The following LRP11 variants were observed in gnomAD, a reference collection of about 807,000 sequenced individuals.
LRP11 encodes the protein LDL receptor related protein 11.
LRP11 carries 25 observed loss-of-function variants against 43.1 expected under a neutral mutation model. That is an observed-to-expected ratio of 0.58 (90% CI 0.42 to 0.81). LRP11 has a LOEUF of 0.81. Ranked by LOEUF, LRP11 falls within the 30% of genes least tolerant of loss-of-function variation. The pLI is 0.00. For synonymous variants in LRP11, 316 were observed against 299.4 expected, an observed-to-expected ratio of 1.06 and a Z score of -0.57; for missense variants, 623 against 665.1, an observed-to-expected ratio of 0.94 and a Z score of 0.70.
intron 2 of LRP11, among the ~76,000 whole-genome samples, chr6:149,850,661 AT>A (rs1297521477): frequency 6.6e-6 from 1 of 152,204 alleles, no homozygotes; most frequent in Admixed American, 6.5e-5. Flanking sequence ...ATGTACTAAA[AT>A]GTCATGTTTG....
At chr6:149,837,726 C>G (rs1776491798) in intron 3 of LRP11, among the ~76,000 whole-genome samples, 1 of 152,120 alleles carries the variant, frequency 6.6e-6, no homozygotes, top group East Asian at 1.9e-4. Context: ...AGGTGGCACA[C>G]AGAAGCAACA....
chr6:149,863,367 G>A (rs374706154), intron 1 of LRP11, 41 bp downstream of exon 1: 3 of 1,310,240 alleles, frequency 2.3e-6, no homozygotes, highest in Non-Finnish European at 2.9e-6. Flanking sequence ...TGCGGGTCTC[G>A]AGCGCTCTGG....
chr6:149,838,079 G>A (rs949111436), intron 3 of LRP11, among the ~76,000 whole-genome samples: 3 of 151,728 alleles, frequency 2.0e-5, no homozygotes, highest in Non-Finnish European at 2.9e-5. Flanking sequence ...CACCACACCC[G>A]GTTAATTTTT....
intron 6 of LRP11, 131 bp downstream of exon 6, chr6:149,826,133 C>T (rs1776335778): frequency 1.3e-6 from 1 of 768,606 alleles, no homozygotes. Context: ...AACGAGGAGA[C>T]AGTTCTTTCG....
chr6:149,826,150 T>G, intron 6 of LRP11, 114 bp downstream of exon 6: 1 of 822,076 alleles, frequency 1.2e-6, no homozygotes, highest in Non-Finnish European at 2.2e-6. Context: ...TTCGGTCCAC[T>G]GACGGACTCC....
At chr6:149,848,622 T>C (rs1436871994) in intron 2 of LRP11, among the ~76,000 whole-genome samples, 4 of 152,218 alleles carry the variant, frequency 2.6e-5, no homozygotes, top group African/African-American at 9.6e-5. Context: ...AGCAAACTAA[T>C]GCAAGAACAG....
intron 6 of LRP11, among the ~76,000 whole-genome samples, chr6:149,822,687 G>GA (rs995465139): frequency 9.2e-5 from 14 of 152,116 alleles, no homozygotes; most frequent in African/African-American, 3.1e-4. Context: ...ATTTAAATGG[G>GA]AAAAAATGCA....
At chr6:149,851,141 CCTG>C (rs1776712702) in intron 2 of LRP11, among the ~76,000 whole-genome samples, 3 of 152,204 alleles carry the variant, frequency 2.0e-5, no homozygotes, top group Admixed American at 1.3e-4. Context: ...TTGAGGTCTA[CCTG>C]CCGTCACTGT....
At chr6:149,846,060 G>A (rs1327613283) in intron 2 of LRP11, among the ~76,000 whole-genome samples, 1 of 152,190 alleles carries the variant, frequency 6.6e-6, no homozygotes, top group African/African-American at 2.4e-5. Context: ...ACCAGGGTCT[G>A]CTGTCTCCTT....
At chr6:149,832,189 G>GTA (rs1562438020) in intron 5 of LRP11, among the ~76,000 whole-genome samples, 2 of 129,256 alleles carry the variant, frequency 1.5e-5, no homozygotes, top group Non-Finnish European at 3.1e-5. Context: ...CATGAGCTAA[G>GTA]TCTTTTTTTT....
chr6:149,839,320 T>C (rs1001703023), intron 3 of LRP11, among the ~76,000 whole-genome samples: 1 of 152,080 alleles, frequency 6.6e-6, no homozygotes, highest in South Asian at 2.1e-4. Context: ...TAAATGGTGA[T>C]AGAAGCTCCT....
intron 2 of LRP11, among the ~76,000 whole-genome samples, chr6:149,849,817 G>A (rs1053399447): frequency 2.0e-5 from 3 of 152,180 alleles, no homozygotes; most frequent in East Asian, 1.9e-4. Flanking sequence ...TACAGTACTG[G>A]ACACATACCA....
At chr6:149,838,684 C>CA (rs397943761) in intron 3 of LRP11, among the ~76,000 whole-genome samples, 8,280 of 91,824 alleles carry the variant, frequency 0.09, 274 homozygotes, top group Middle Eastern at 0.17. Flanking sequence ...GACTCTGTCT[C>CA]AAAAAAAAAA....
In LRP11 at chr6:149,853,150, C is replaced by T. The variant is rs115950752; in HGVS notation, c.624G>A (p.Ala208=). ...CCTGCCCAGCCTTGCTAAGTGGAGGCGCATCCTTTTCTGAGAAAGAAAATA... is the reference window on the plus strand; with the variant it reads ...CCTGCCCAGCCTTGCTAAGTGGAGGTGCATCCTTTTCTGAGAAAGAAAATA... The part of the protein sequence containing the change: ...ARASPRQEKD[A]PPLSKAGQDV... The change falls in exon 2 of 7, where the codon GCG becomes GCA. Residue 208 remains alanine (A), a synonymous_variant. Transcript: ENST00000239367. 2.4e-4 allele frequency: 381 copies of T among 1,566,694 alleles called. 2 individuals are homozygous for T. Among genetic ancestry groups the T allele is most frequent in the East Asian group, 6.0e-4 (26 of 43,560 alleles).
Position 149,864,268 on chromosome 6 carries a change from A to T in LRP11, c.-248T>A. On this transcript the variant is annotated 5_prime_UTR_variant, in exon 1 of 7. Transcript: ENST00000239367. ...TCCTTGCCCTCGCCGGAGACTGCCC[A>T]GCGCCCTGCGCCTCTCCGCCCCGGC... is the stretch of plus-strand genomic sequence containing the variant. 9.4e-7 allele frequency: 1 copy of T among 1,066,978 alleles called. No homozygotes were observed. Among genetic ancestry groups the T allele is most frequent in the Non-Finnish European group, 1.1e-6 (1 of 884,366 alleles). The allele number at this position is 1,066,978 out of a possible 1,614,324, so 66.1% of individuals were successfully genotyped here.
At chr6:149,835,621 A>G (rs1776461225) in intron 5 of LRP11, among the ~76,000 whole-genome samples, 1 of 152,152 alleles carries the variant, frequency 6.6e-6, no homozygotes. Flanking sequence ...AAAAATAAAA[A>G]TAAATCTCAT....
At chr6:149,861,712 G>A (rs1776901486) in intron 1 of LRP11, among the ~76,000 whole-genome samples, 1 of 152,084 alleles carries the variant, frequency 6.6e-6, no homozygotes. Flanking sequence ...AGCAAAGACG[G>A]GTTTTGTCAT....
chr6:149,861,810 T>A (rs775357560), intron 1 of LRP11, among the ~76,000 whole-genome samples: 2 of 152,246 alleles, frequency 1.3e-5, no homozygotes, highest in African/African-American at 4.8e-5. Context: ...TGAGCCACCG[T>A]GCCTGGCGTC....
In LRP11 at chr6:149,864,262, C is replaced by T; in HGVS notation, c.-242G>A. On this transcript the variant is annotated 5_prime_UTR_variant, in exon 1 of 7. Coordinates refer to ENST00000239367, the MANE Select transcript of LRP11 (RefSeq NM_032832.6). ...CACCGCTCCTTGCCCTCGCCGGAGACTGCCCAGCGCCCTGCGCCTCTCCGC... is the reference window on the plus strand; with the variant it reads ...CACCGCTCCTTGCCCTCGCCGGAGATTGCCCAGCGCCCTGCGCCTCTCCGC... 1 of 1,073,160 alleles carries T rather than the reference C, an allele frequency of 9.3e-7. No homozygotes were observed. The allele number at this position is 1,073,160 out of a possible 1,614,324, so 66.5% of individuals were successfully genotyped here. A position where few individuals can be genotyped will look rare whatever the true frequency, so the allele number is the denominator to read the frequency against.
Sources: gnomAD v4.1 joint callset for allele counts (sites outside exome capture counted in the v4.1 genomes callset) on GRCh38, gnomAD v4.1.1 for gene constraint, MANE v1.5 for transcripts, NCBI Gene and HGNC (gene_info 2026-07-23, HGNC 2026-07-21) for gene names.